Variants in LRMDA observed in about 807,000 individuals in gnomAD.
The protein encoded by LRMDA is leucine rich melanocyte differentiation associated, also known as leucine-rich melanocyte differentiation-associated protein.
In LRMDA, 18 loss-of-function variants were observed where a neutral mutation model predicts 29.8. The ratio of observed to expected loss-of-function variants is 0.60; its 90% confidence interval spans 0.42 to 0.90. The LOEUF (loss-of-function observed/expected upper bound fraction) is 0.90. Among genes scored for constraint, LRMDA ranks in the 40% least tolerant of loss-of-function variants. The pLI, the probability that LRMDA is intolerant of heterozygous loss-of-function variation, is 0.00. For missense variants in LRMDA, 273 were observed against 273.9 expected (o/e 1.00, Z 0.02); for synonymous variants, 125 against 109.4 (o/e 1.14, Z -0.89).
intron 2 of LRMDA, among the ~76,000 whole-genome samples, chr10:75,446,335 T>C (rs1844395417): frequency 6.6e-6 from 1 of 152,212 alleles, no homozygotes; most frequent in African/African-American, 2.4e-5. Flanking sequence ...TGGCATATAA[T>C]GGGTCTTTAG....
intron 6 of LRMDA, among the ~76,000 whole-genome samples, chr10:76,405,941 T>C (rs1311027419): frequency 6.6e-6 from 1 of 152,202 alleles, no homozygotes; most frequent in Non-Finnish European, 1.5e-5. Context: ...TGAAACTTTT[T>C]CCAGCTTTAT....
At chr10:75,821,819 G>A (rs1158547142) in intron 2 of LRMDA, among the ~76,000 whole-genome samples, 1 of 151,830 alleles carries the variant, frequency 6.6e-6, no homozygotes, top group South Asian at 2.1e-4. Context: ...ACCAAACTAG[G>A]TATAGAAGGG....
rs914275776 is a variant in LRMDA at position 76,144,172 on chromosome 10, C to T, written c.516+85389C>T. On this transcript the variant is annotated intron_variant, in intron 5 of 6. Transcript: ENST00000611255. Reference sequence around the variant, plus strand: ...TTGGCTTAGGATTGACTTGGCGATGCGGGCTCTTTTTTGGTTCCATATGAA... The same window carrying T: ...TTGGCTTAGGATTGACTTGGCGATGTGGGCTCTTTTTTGGTTCCATATGAA... Among the ~76,000 whole-genome samples the T allele has an allele frequency of 3.1e-3, 478 of 152,156 alleles. 3 individuals carry two copies. Among genetic ancestry groups the T allele is most frequent in the Non-Finnish European group, 5.4e-3 (364 of 67,974 alleles).
chr10:75,496,285 G>T (rs568364813), intron 2 of LRMDA, among the ~76,000 whole-genome samples: 97 of 152,272 alleles, frequency 6.4e-4, no homozygotes, highest in South Asian at 1.9e-3. Context: ...ACTTTTGGGG[G>T]ATAATTTATT....
chr10:75,635,965 G>T (rs1224177269), intron 2 of LRMDA, among the ~76,000 whole-genome samples: 1 of 152,158 alleles, frequency 6.6e-6, no homozygotes, highest in Non-Finnish European at 1.5e-5. Context: ...TTGAACAATT[G>T]TGCTACAGAA....
intron 2 of LRMDA, among the ~76,000 whole-genome samples, chr10:75,448,674 T>A (rs943739304): frequency 2.0e-5 from 3 of 152,216 alleles, no homozygotes; most frequent in Admixed American, 1.3e-4. Context: ...AAAGGAATCC[T>A]TCCCCCACTA....
At chr10:76,066,844 A>G (rs1425988251) in intron 5 of LRMDA, among the ~76,000 whole-genome samples, 1 of 152,190 alleles carries the variant, frequency 6.6e-6, no homozygotes, top group Non-Finnish European at 1.5e-5. Context: ...GAAGTGGGAA[A>G]AAAGTCTGGG....
At chr10:75,671,974 CTAGT>C (rs1841896651) in intron 2 of LRMDA, among the ~76,000 whole-genome samples, 1 of 152,136 alleles carries the variant, frequency 6.6e-6, no homozygotes, top group African/African-American at 2.4e-5. Context: ...GACTCGTTCT[CTAGT>C]TAAGTTTTTG....
At position 76,222,379 on chromosome 10, in the gene LRMDA, G is replaced by C. The variant is rs1201525041; in HGVS notation, c.517-102022G>C. 2.0e-5 allele frequency among the ~76,000 whole-genome samples: 3 copies of C among 152,080 alleles called. No homozygotes were observed. The East Asian group carries it at 5.8e-4, about 29-fold the overall frequency. On this transcript the variant is annotated intron_variant, in intron 5 of 6. Coordinates refer to ENST00000611255, the MANE Select transcript of LRMDA (RefSeq NM_001305581.2). The stretch of plus-strand genomic sequence containing the variant: ...TTTTGCAACCTACTCATCTGACAAA[G>C]GGCTAATATCCAGAGTCTACAATGA...
intron 5 of LRMDA, 24 bp from the exon 6 acceptor site, chr10:76,324,377 G>C (rs1218068204): frequency 6.2e-7 from 1 of 1,611,358 alleles, no homozygotes. Flanking sequence ...GTTGCTTCAT[G>C]TTGACTTTGC....
rs142815232 is a variant in LRMDA, at chr10:76,246,795, C to T, written c.517-77606C>T. On this transcript the variant is annotated intron_variant, in intron 5 of 6. Transcript: ENST00000611255. ...GACCAGTGCCTGTGCTCTGTCTTTGCATTGCACACAAGTGTCCCTTGTCCT... is the reference window on the plus strand; with the variant it reads ...GACCAGTGCCTGTGCTCTGTCTTTGTATTGCACACAAGTGTCCCTTGTCCT... Among the ~76,000 whole-genome samples, 105 of 152,296 alleles carry T rather than the reference C, an allele frequency of 6.9e-4. No homozygotes were observed. The East Asian group carries it at 0.017, about 25-fold the overall frequency.
At chr10:75,624,348 C>T (rs1452323377) in intron 2 of LRMDA, among the ~76,000 whole-genome samples, 2 of 152,130 alleles carry the variant, frequency 1.3e-5, no homozygotes, top group East Asian at 1.9e-4. Context: ...TTAATATACA[C>T]ATATCCCTTA....
At chr10:76,312,957 G>A (rs1414600843) in intron 5 of LRMDA, among the ~76,000 whole-genome samples, 1 of 152,052 alleles carries the variant, frequency 6.6e-6, no homozygotes, top group African/African-American at 2.4e-5. Context: ...AAATTAGAGT[G>A]AAGTAAGAAT....
intron 2 of LRMDA, among the ~76,000 whole-genome samples, chr10:75,468,101 G>T (rs1308956867): frequency 1.3e-5 from 2 of 152,070 alleles, no homozygotes; most frequent in African/African-American, 4.8e-5. Flanking sequence ...TGATCCTAAT[G>T]GTTGAAGTAT....
rs145732493 is a variant in LRMDA at position 76,499,282 on chromosome 10, C to G, written c.602-57927C>G. 6.7e-5 allele frequency among the ~76,000 whole-genome samples: 5 copies of G among 74,574 alleles called. 1 individual carries two copies. The highest frequency in any genetic ancestry group is 1.3e-4 in the African/African-American group (4 of 30,738). 48.9% of individuals were successfully genotyped at this position (74,574 alleles called of 152,430 possible). ...TTGAGCCCCCAACCCCTGTCAAGTA[C>G]TAATCTACTTTCTCTATATATGTAT... On this transcript the variant is annotated intron_variant, in intron 6 of 6. Coordinates refer to ENST00000611255, the MANE Select transcript of LRMDA (RefSeq NM_001305581.2).
intron 2 of LRMDA, among the ~76,000 whole-genome samples, chr10:75,679,112 T>C (rs1162966428): frequency 1.3e-5 from 2 of 152,216 alleles, no homozygotes; most frequent in Non-Finnish European, 2.9e-5. Flanking sequence ...GTTCTGTTTT[T>C]AGAAAGCACC....
chr10:75,978,860 A>T (rs190635717), intron 2 of LRMDA, among the ~76,000 whole-genome samples: 51 of 152,292 alleles, frequency 3.3e-4, no homozygotes, highest in Admixed American at 3.0e-3. Context: ...TTTAAGTCTA[A>T]ATTTAACTGC....
At chr10:75,705,210 A>T (rs1247646711) in intron 2 of LRMDA, among the ~76,000 whole-genome samples, 3 of 152,212 alleles carry the variant, frequency 2.0e-5, no homozygotes, top group Non-Finnish European at 2.9e-5. Flanking sequence ...ACAAAACCCC[A>T]GTCTTCAAAG....
intron 4 of LRMDA, among the ~76,000 whole-genome samples, chr10:76,047,560 C>A (rs1309333086): frequency 1.3e-5 from 2 of 152,146 alleles, no homozygotes; most frequent in African/African-American, 4.8e-5. Flanking sequence ...TTTAGGTTTT[C>A]CAAGTTACAT....
Sources: gnomAD v4.1 joint callset for allele counts (sites outside exome capture counted in the v4.1 genomes callset) on GRCh38, gnomAD v4.1.1 for gene constraint, MANE v1.5 for transcripts, NCBI Gene and HGNC (gene_info 2026-07-23, HGNC 2026-07-21) for gene names.